Variants in RASAL2 observed in about 807,000 individuals in gnomAD.
RASAL2 encodes the protein ras GTPase-activating protein nGAP.
Under a neutral mutation model 128.9 loss-of-function variants are expected in RASAL2, and 58 were observed. That is an observed-to-expected ratio of 0.45 (90% CI 0.36 to 0.56). The LOEUF is 0.56. Ranked by LOEUF, RASAL2 falls within the 20% of genes least tolerant of loss-of-function variation. The pLI, the probability that RASAL2 is intolerant of heterozygous loss-of-function variation, is 0.00. For synonymous variants in RASAL2, 561 were observed against 580.8 expected (o/e 0.97, Z 0.49); for missense variants, 1,360 against 1,601.6 (o/e 0.85, Z 2.57).
intron 4 of RASAL2, among the ~76,000 whole-genome samples, chr1:178,392,327 T>C (rs1440275682): frequency 2.0e-5 from 3 of 152,144 alleles, no homozygotes; most frequent in African/African-American, 7.2e-5. Context: ...TACTCCAGGC[T>C]GTGGGAATGG....
intron 1 of RASAL2, among the ~76,000 whole-genome samples, chr1:178,217,868 C>G (rs1042481434): frequency 6.6e-6 from 1 of 152,150 alleles, no homozygotes; most frequent in Admixed American, 6.5e-5. Flanking sequence ...TGAAAGATTT[C>G]TCTTTAGTAT....
At position 178,360,166 on chromosome 1, in the gene RASAL2, C is replaced by G. The variant is rs144619051; in HGVS notation, c.458-29934C>G. 5.5e-3 allele frequency among the ~76,000 whole-genome samples: 837 copies of G among 152,240 alleles called. 25 individuals are homozygous for G. Among genetic ancestry groups the G allele is most frequent in the Admixed American group, 0.047 (710 of 15,262 alleles). On this transcript the variant is annotated intron_variant, in intron 3 of 17. Transcript: ENST00000367649. ...TCTCATATCCTATTTAACTCCACCC[C>G]CAACCCCACCATGGAGTAGGAGATA...
intron 3 of RASAL2, among the ~76,000 whole-genome samples, chr1:178,344,151 A>G (rs1056043611): frequency 9.2e-5 from 14 of 152,144 alleles, no homozygotes; most frequent in Non-Finnish European, 1.8e-4. Flanking sequence ...CCCATGAACA[A>G]TCTATATATA....
chr1:178,202,062 T>C lies in RASAL2; in HGVS notation c.203-81502T>C, dbSNP rs565928891. 7.9e-5 allele frequency among the ~76,000 whole-genome samples: 12 copies of C among 152,294 alleles called. No homozygotes were observed. The East Asian group carries it at 1.2e-3, about 15-fold the overall frequency. On this transcript the variant is annotated intron_variant, in intron 1 of 17. Coordinates refer to ENST00000367649, the MANE Select transcript of RASAL2 (RefSeq NM_170692.4). Reference sequence around the variant, plus strand: ...AAATGATCAGACATTTCCGGGACCATTGGACACTGGCTCTGAGCTGACGTT... The same window carrying C: ...AAATGATCAGACATTTCCGGGACCACTGGACACTGGCTCTGAGCTGACGTT...
intron 2 of RASAL2, among the ~76,000 whole-genome samples, chr1:178,294,385 A>T (rs977191598): frequency 6.6e-6 from 1 of 152,178 alleles, no homozygotes; most frequent in African/African-American, 2.4e-5. Flanking sequence ...CCTCAGGATG[A>T]CATGATCGTA....
At chr1:178,107,533 A>G (rs192382212) in intron 1 of RASAL2, among the ~76,000 whole-genome samples, 2 of 152,292 alleles carry the variant, frequency 1.3e-5, no homozygotes, top group East Asian at 3.9e-4. Flanking sequence ...TAATGATATT[A>G]AATACATTCA....
intron 3 of RASAL2, among the ~76,000 whole-genome samples, chr1:178,347,391 A>T (rs1469456178): frequency 6.6e-6 from 1 of 152,174 alleles, no homozygotes; most frequent in Non-Finnish European, 1.5e-5. Flanking sequence ...TTTAGTTCAG[A>T]TGTTGCTTAT....
At chr1:178,400,211 C>G (rs749974611) in intron 4 of RASAL2, among the ~76,000 whole-genome samples, 2 of 152,184 alleles carry the variant, frequency 1.3e-5, no homozygotes, top group East Asian at 3.8e-4. Context: ...TTTCCAGACT[C>G]ATTTCCTAAT....
chr1:178,429,336 A>G (rs1675735322), intron 5 of RASAL2, among the ~76,000 whole-genome samples: 1 of 152,126 alleles, frequency 6.6e-6, no homozygotes, highest in African/African-American at 2.4e-5. Flanking sequence ...CCCAGATGGA[A>G]TCAAACCCTG....
intron 2 of RASAL2, among the ~76,000 whole-genome samples, chr1:178,294,879 G>A (rs1226267464): frequency 2.0e-5 from 3 of 152,154 alleles, no homozygotes; most frequent in Non-Finnish European, 4.4e-5. Context: ...TAGCTGGACT[G>A]CACATGTCCA....
rs528207987 is a variant in RASAL2, at chr1:178,445,499, T to C, written c.1483-19T>C. On this transcript the variant is annotated intron_variant, in intron 8 of 17. Transcript: ENST00000367649. ...ATTTATTCAGTTGCTTTCTGCCTGA[T>C]TGAACATTATTCTACCAGGATTTTC... 6.2e-7 allele frequency: 1 copy of C among 1,610,624 alleles called. No individual in the cohort carries two copies. The highest frequency in any genetic ancestry group is 8.5e-7 in the Non-Finnish European group (1 of 1,178,358).
chr1:178,385,803 G>A (rs577153872), intron 3 of RASAL2, among the ~76,000 whole-genome samples: 25 of 152,084 alleles, frequency 1.6e-4, no homozygotes, highest in South Asian at 1.0e-3. Context: ...TCTTTGTTGC[G>A]GTTTACCTTA....
chr1:178,423,744 T>C (rs570222182), intron 5 of RASAL2, among the ~76,000 whole-genome samples: 1 of 152,282 alleles, frequency 6.6e-6, no homozygotes, highest in Admixed American at 6.5e-5. Flanking sequence ...TTAATTTGTA[T>C]TTTGCTAATG....
At chr1:178,319,425 G>T (rs996966294) in intron 3 of RASAL2, among the ~76,000 whole-genome samples, 2 of 151,330 alleles carry the variant, frequency 1.3e-5, no homozygotes, top group Non-Finnish European at 2.9e-5. Context: ...TCACTTTCAG[G>T]TACACCAATC....
intron 1 of RASAL2, among the ~76,000 whole-genome samples, chr1:178,139,899 T>C (rs1660467140): frequency 6.6e-6 from 1 of 152,134 alleles, no homozygotes; most frequent in African/African-American, 2.4e-5. Flanking sequence ...GAGCACTTTA[T>C]ATGTGCAGTT....
intron 3 of RASAL2, among the ~76,000 whole-genome samples, chr1:178,357,221 T>A (rs1450646677): frequency 6.6e-6 from 1 of 152,256 alleles, no homozygotes; most frequent in African/African-American, 2.4e-5. Flanking sequence ...TCTTTTCCAT[T>A]GTAATTTCTC....
intron 1 of RASAL2, among the ~76,000 whole-genome samples, chr1:178,159,137 G>A (rs931805126): frequency 1.3e-5 from 2 of 152,204 alleles, no homozygotes; most frequent in Non-Finnish European, 2.9e-5. Flanking sequence ...TCTTAAAAGT[G>A]AATGTGTAAG....
chr1:178,448,125 T>TA (rs1677139258), intron 9 of RASAL2, among the ~76,000 whole-genome samples: 1 of 151,964 alleles, frequency 6.6e-6, no homozygotes, highest in African/African-American at 2.4e-5. Flanking sequence ...GGATAGATCT[T>TA]AGAGTGCACC....
chr1:178,323,009 A>T (rs1343138212), intron 3 of RASAL2, among the ~76,000 whole-genome samples: 1 of 152,132 alleles, frequency 6.6e-6, no homozygotes, highest in Non-Finnish European at 1.5e-5. Flanking sequence ...TTCCACCTTC[A>T]TTTCTACCTT....
Sources: allele counts gnomAD v4.1 joint callset (sites outside exome capture counted in the v4.1 genomes callset), GRCh38; gene constraint gnomAD v4.1.1; transcripts MANE v1.5; gene names NCBI Gene and HGNC (gene_info 2026-07-23, HGNC 2026-07-21).